Variants in SMIM10L3 observed in about 807,000 individuals in gnomAD.
SMIM10L3 encodes small integral membrane protein 10 like 3.
chr7:6,340,969 A>G, the SMIM10L3 span, among the ~76,000 whole-genome samples: 2 of 145,402 alleles, frequency 1.4e-5, no homozygotes, highest in Non-Finnish European at 3.0e-5. Flanking sequence ...CTCTACTAAA[A>G]AAAAAAAAAA....
At chr7:6,332,367 T>C in the SMIM10L3 span, among the ~76,000 whole-genome samples, 3 of 152,176 alleles carry the variant, frequency 2.0e-5, no homozygotes, top group African/African-American at 7.2e-5. Flanking sequence ...TACTGATTAC[T>C]GCCCTATGGA....
At chr7:6,334,663 C>A in the SMIM10L3 span, among the ~76,000 whole-genome samples, 2 of 151,642 alleles carry the variant, frequency 1.3e-5, no homozygotes, top group African/African-American at 4.8e-5. Flanking sequence ...GATGGGGTTC[C>A]ACGAGTTGCC....
At chr7:6,340,104 C>G in the SMIM10L3 span, among the ~76,000 whole-genome samples, 1 of 151,952 alleles carries the variant, frequency 6.6e-6, no homozygotes, top group Non-Finnish European at 1.5e-5. Flanking sequence ...AGGCTGGTCT[C>G]AAACTCCTGA....
chr7:6,343,606 C>T, the SMIM10L3 span, among the ~76,000 whole-genome samples: 1 of 151,590 alleles, frequency 6.6e-6, no homozygotes, highest in Non-Finnish European at 1.5e-5. Context: ...CCTTGTATTT[C>T]AGATTCTGTA....
the SMIM10L3 span, among the ~76,000 whole-genome samples, chr7:6,337,269 C>T: frequency 6.6e-6 from 1 of 151,998 alleles, no homozygotes; most frequent in South Asian, 2.1e-4. Flanking sequence ...CCCTTTGGGA[C>T]TAGCCTTGCC....
the SMIM10L3 span, chr7:6,331,197 G>C: frequency 3.2e-6 from 5 of 1,571,824 alleles, no homozygotes; most frequent in Admixed American, 1.8e-5. Flanking sequence ...TCACGCCTTC[G>C]TCAGTCTGGG....
At chr7:6,346,772 G>A in the SMIM10L3 span, among the ~76,000 whole-genome samples, 1 of 152,106 alleles carries the variant, frequency 6.6e-6, no homozygotes, top group East Asian at 1.9e-4. Flanking sequence ...CTGAAGACCT[G>A]CTACTGGGAC....
At chr7:6,330,327 C>G in the SMIM10L3 span, 1 of 1,527,118 alleles carries the variant, frequency 6.5e-7, no homozygotes, top group Admixed American at 1.9e-5. Flanking sequence ...AGAAATCATT[C>G]TAAGACAACT....
At chr7:6,344,676 C>T in the SMIM10L3 span, among the ~76,000 whole-genome samples, 1 of 152,112 alleles carries the variant, frequency 6.6e-6, no homozygotes, top group Non-Finnish European at 1.5e-5. Context: ...ACCTTGGACT[C>T]CCAAAGTGCT....
At chr7:6,340,965 TAAAAA>T in the SMIM10L3 span, among the ~76,000 whole-genome samples, 1 of 87,438 alleles carries the variant, frequency 1.1e-5, no homozygotes, top group Admixed American at 1.5e-4. Flanking sequence ...CTGTCTCTAC[TAAAAA>T]AAAAAAAAAA....
chr7:6,334,499 ACT>A, the SMIM10L3 span, among the ~76,000 whole-genome samples: 1 of 151,964 alleles, frequency 6.6e-6, no homozygotes, highest in Non-Finnish European at 1.5e-5. Flanking sequence ...ATGGAGTCTC[ACT>A]CTGTCACCCA....
the SMIM10L3 span, chr7:6,331,133 G>A: frequency 8.7e-6 from 14 of 1,612,926 alleles, no homozygotes; most frequent in Admixed American, 1.7e-5. Context: ...CAGGTGCCGA[G>A]GGGCCCTCTT....
At chr7:6,332,024 A>G in the SMIM10L3 span, among the ~76,000 whole-genome samples, 7 of 151,124 alleles carry the variant, frequency 4.6e-5, no homozygotes, top group Non-Finnish European at 1.0e-4. Context: ...AGGTGGGAGA[A>G]TCGCTTGAAC....
At chr7:6,341,095 G>C in the SMIM10L3 span, among the ~76,000 whole-genome samples, 31 of 150,558 alleles carry the variant, frequency 2.1e-4, no homozygotes, top group African/African-American at 7.3e-4. Flanking sequence ...AGTGAGCTGA[G>C]ATCGTGCCAC....
chr7:6,330,512 G>A, the SMIM10L3 span: 16 of 1,613,988 alleles, frequency 9.9e-6, no homozygotes, highest in South Asian at 3.3e-5. Flanking sequence ...GGCTTTAAAC[G>A]GTCAAGGAAA....
the SMIM10L3 span, among the ~76,000 whole-genome samples, chr7:6,341,705 T>C: frequency 2.8e-5 from 4 of 142,596 alleles, no homozygotes; most frequent in African/African-American, 2.6e-5. Flanking sequence ...AAAAAAAAAA[T>C]TATGAGTGCG....
the SMIM10L3 span, among the ~76,000 whole-genome samples, chr7:6,333,727 G>T: frequency 1.3e-5 from 2 of 149,520 alleles, no homozygotes; most frequent in African/African-American, 4.9e-5. Context: ...AGAAAGGAAA[G>T]TGCACTTCGA....
At chr7:6,336,172 C>CA in the SMIM10L3 span, among the ~76,000 whole-genome samples, 49,806 of 131,678 alleles carry the variant, frequency 0.38, 11,046 homozygotes, top group African/African-American at 0.65. Flanking sequence ...GATTTTGCCT[C>CA]AAAAAAAAAA....
chr7:6,343,459 G>A, the SMIM10L3 span, among the ~76,000 whole-genome samples: 4 of 131,640 alleles, frequency 3.0e-5, no homozygotes, highest in African/African-American at 1.2e-4. Context: ...CTAGGACTAA[G>A]AAACACTTCG....
Sources: gnomAD v4.1 joint callset for allele counts (sites outside exome capture counted in the v4.1 genomes callset) on GRCh38, gnomAD v4.1.1 for gene constraint, MANE v1.5 for transcripts, NCBI Gene and HGNC (gene_info 2026-07-23, HGNC 2026-07-21) for gene names.